Variants in UIMC1 observed in about 807,000 individuals in gnomAD.
The protein encoded by UIMC1 is BRCA1-A complex subunit RAP80.
UIMC1 carries 42 observed loss-of-function variants against 84.9 expected under a neutral mutation model. The observed-to-expected ratio is 0.49, with a 90% CI of 0.39 to 0.64. The LOEUF (loss-of-function observed/expected upper bound fraction) is 0.64, where lower values mean the gene tolerates loss of function less well. UIMC1 is among the 30% of genes least tolerant of loss of function. UIMC1 has a pLI of 0.00. For missense variants in UIMC1, 825 were observed against 847.6 expected, an observed-to-expected ratio of 0.97 and a Z score of 0.33; for synonymous variants, 281 against 293.0, an observed-to-expected ratio of 0.96 and a Z score of 0.42.
intron 4 of UIMC1, chr5:176,970,271 CAAAAAAA>C (rs57976266): frequency 0.017 from 1,317 of 78,024 alleles, 8 homozygotes; most frequent in South Asian, 0.063. Context: ...GACTCCATCT[CAAAAAAA>C]AAAAAAAAAA....
chr5:176,959,731 A>C (rs1197588402), intron 6 of UIMC1, among the ~76,000 whole-genome samples: 5 of 148,762 alleles, frequency 3.4e-5, no homozygotes, highest in Non-Finnish European at 7.4e-5. Context: ...AAAAAAAAAA[A>C]AAAAAATTAT....
intron 4 of UIMC1, chr5:176,970,332 T>C (rs995034387): frequency 2.9e-5 from 6 of 204,854 alleles, no homozygotes; most frequent in Non-Finnish European, 6.0e-5. Context: ...TTTAACTTTA[T>C]TTCATTATTT....
At chr5:177,015,709 C>T (rs1270545541) in intron 1 of UIMC1, among the ~76,000 whole-genome samples, 1 of 152,180 alleles carries the variant, frequency 6.6e-6, no homozygotes, top group African/African-American at 2.4e-5. Context: ...TCAATCTGTC[C>T]TTAGAAAGTC....
intron 2 of UIMC1, among the ~76,000 whole-genome samples, chr5:176,976,709 G>A (rs1581610901): frequency 6.6e-6 from 1 of 152,228 alleles, no homozygotes; most frequent in Non-Finnish European, 1.5e-5. Context: ...CCATTTATAA[G>A]ACATGCCCAG....
intron 1 of UIMC1, among the ~76,000 whole-genome samples, chr5:176,987,437 G>C (rs1315780874): frequency 6.6e-6 from 1 of 151,984 alleles, no homozygotes; most frequent in Non-Finnish European, 1.5e-5. Flanking sequence ...CTCGAGGTGA[G>C]GAGTTTGAGA....
intron 8 of UIMC1, among the ~76,000 whole-genome samples, chr5:176,955,741 A>G (rs1377908694): frequency 1.5e-4 from 23 of 152,202 alleles, no homozygotes; most frequent in Admixed American, 1.5e-3. Context: ...TTTCAAAACT[A>G]AATTACCCCT....
chr5:176,978,110 G>A (rs1049386576), intron 2 of UIMC1, among the ~76,000 whole-genome samples: 5 of 151,916 alleles, frequency 3.3e-5, no homozygotes, highest in Non-Finnish European at 5.9e-5. Flanking sequence ...GGTGACTCAC[G>A]CCTGTAATCC....
intron 6 of UIMC1, among the ~76,000 whole-genome samples, chr5:176,964,234 G>A (rs762132699): frequency 6.6e-6 from 1 of 152,156 alleles, no homozygotes; most frequent in Non-Finnish European, 1.5e-5. Context: ...AAAAGATTGA[G>A]AGGTAAAACT....
chr5:176,930,071 T>C (rs868655979), intron 10 of UIMC1, among the ~76,000 whole-genome samples: 13 of 152,202 alleles, frequency 8.5e-5, no homozygotes, highest in African/African-American at 3.1e-4. Context: ...TTAAAAGGTT[T>C]TATAATGTAA....
In UIMC1 at chr5:176,911,329, G is replaced by T. The variant is rs1204507949; in HGVS notation, c.1658C>A (p.Thr553Asn). ...TKSDSGTAAQ[T>N]SLDIDKNEKC... is the part of the protein sequence containing the mutation. Reference sequence around the variant, plus strand: ...TACTTACTTGTCAATGTCTAGAGAAGTCTGGGCAGCTGTCCCACTGTCACT... The same window carrying T: ...TACTTACTTGTCAATGTCTAGAGAATTCTGGGCAGCTGTCCCACTGTCACT... The change falls in exon 11 of 15, where the codon ACT becomes AAT. Residue 553 changes from threonine to asparagine, a missense_variant. By Grantham distance (65) the Thr-to-Asn change is moderately conservative (BLOSUM62 0). Transcript: ENST00000511320. 6.3e-7 allele frequency: 1 copy of T among 1,598,786 alleles called. No individual in the cohort carries two copies. The highest frequency in any genetic ancestry group is 8.5e-7 in the Non-Finnish European group (1 of 1,171,632).
Position 176,905,168 on chromosome 5 carries a change from G to A in UIMC1, c.*114C>T, listed in dbSNP as rs1340685234. 2 of 1,094,404 alleles carry A rather than the reference G, an allele frequency of 1.8e-6. No individual in the cohort carries two copies. Among genetic ancestry groups the A allele is most frequent in the Non-Finnish European group, 2.6e-6 (2 of 767,300 alleles). The allele number at this position is 1,094,404 out of a possible 1,614,324, so 67.8% of individuals were successfully genotyped here. A position where few individuals can be genotyped will look rare whatever the true frequency, so the allele number is the denominator to read the frequency against. ...CCAGAATGCTGGGTAGGTGCTGGTG[G>A]TGAAAACTGCAGGGCTAAAACTTGC... On this transcript the variant is annotated 3_prime_UTR_variant, in exon 15 of 15. Coordinates refer to ENST00000511320, the MANE Select transcript of UIMC1 (RefSeq NM_001199298.2).
At chr5:177,010,174 C>T (rs1775514898), upstream of UIMC1, among the ~76,000 whole-genome samples, 1 of 152,044 alleles carries the variant, frequency 6.6e-6, no homozygotes, top group Non-Finnish European at 1.5e-5. Context: ...TATGATCGCA[C>T]CACTGCACTC....
intron 1 of UIMC1, among the ~76,000 whole-genome samples, chr5:176,987,835 A>G (rs1347712069): frequency 2.0e-5 from 3 of 151,504 alleles, no homozygotes; most frequent in African/African-American, 7.3e-5. Context: ...CAAAAAAAAA[A>G]GACATCAAAC....
chr5:177,019,868 G>A (rs1361878381), intron 1 of UIMC1, among the ~76,000 whole-genome samples: 2 of 151,924 alleles, frequency 1.3e-5, no homozygotes, highest in Non-Finnish European at 2.9e-5. Flanking sequence ...GGAGGTGGAG[G>A]TTGCAGTGAA....
intron 10 of UIMC1, among the ~76,000 whole-genome samples, chr5:176,936,636 A>C (rs1011628004): frequency 6.6e-6 from 1 of 152,026 alleles, no homozygotes. Flanking sequence ...TTCACTGTTT[A>C]TCTCTCCCTT....
chr5:176,911,089 CAAAA>C (rs776646019), intron 11 of UIMC1, among the ~76,000 whole-genome samples: 1,259 of 58,584 alleles, frequency 0.021, 10 homozygotes, highest in South Asian at 0.048. Context: ...AACTTCATCT[CAAAA>C]AAAAAAAAGA....
At chr5:177,011,173 G>C (rs1581738146), upstream of UIMC1, among the ~76,000 whole-genome samples, 1 of 148,806 alleles carries the variant, frequency 6.7e-6, no homozygotes, top group Admixed American at 6.7e-5. Context: ...CAGCCTGGGT[G>C]ACAAAGCAAG....
chr5:176,988,949 T>C (rs1772424780), intron 1 of UIMC1, among the ~76,000 whole-genome samples: 1 of 152,152 alleles, frequency 6.6e-6, no homozygotes, highest in Admixed American at 6.5e-5. Flanking sequence ...CCCAAAGTGC[T>C]GGGATTACAG....
chr5:176,911,432 CCAGTAGACTCTGA>C (rs1247353536), intron 10 of UIMC1, 43 bp from the exon 11 acceptor site: 27 of 1,329,952 alleles, frequency 2.0e-5, no homozygotes, highest in Non-Finnish European at 2.6e-5. Context: ...TAGTTAGCTG[CCAGTAGACTCTGA>C]ATATAAAAGA....
Sources: allele counts gnomAD v4.1 joint callset (sites outside exome capture counted in the v4.1 genomes callset), GRCh38; gene constraint gnomAD v4.1.1; transcripts MANE v1.5; gene names NCBI Gene and HGNC (gene_info 2026-07-23, HGNC 2026-07-21).